Variants in UTRN observed in about 807,000 individuals in gnomAD.
UTRN encodes the protein utrophin.
UTRN carries 283 observed loss-of-function variants against 463.9 expected under a neutral mutation model. The ratio of observed to expected loss-of-function variants is 0.61; its 90% CI spans 0.55 to 0.67. The LOEUF (loss-of-function observed/expected upper bound fraction) is 0.67, where lower values mean the gene tolerates loss of function less well. UTRN is among the 30% of genes least tolerant of loss of function. The pLI is 0.00. For missense variants in UTRN, 3,922 were observed against 4,084.3 expected, an observed-to-expected ratio of 0.96 and a Z score of 1.08; for synonymous variants, 1,442 against 1,431.5, an observed-to-expected ratio of 1.01 and a Z score of -0.17.
At chr6:144,638,769 A>T (rs1777457610) in intron 51 of UTRN, among the ~76,000 whole-genome samples, 1 of 152,194 alleles carries the variant, frequency 6.6e-6, no homozygotes, top group African/African-American at 2.4e-5. Context: ...GTATGAGAGA[A>T]TGATATATAT....
At chr6:144,706,916 A>G (rs968853632) in intron 53 of UTRN, 2 of 152,220 alleles carry the variant, frequency 1.3e-5, no homozygotes, top group Non-Finnish European at 2.9e-5. Context: ...AAATTACAGC[A>G]TAAAGAGTAG....
chr6:144,301,063 G>T (rs1375987586), intron 2 of UTRN, among the ~76,000 whole-genome samples: 1 of 151,958 alleles, frequency 6.6e-6, no homozygotes, highest in Non-Finnish European at 1.5e-5. Flanking sequence ...CTTTTTCGGT[G>T]GGGGGCTCAT....
At chr6:144,640,215 G>A (rs1777632672) in intron 51 of UTRN, among the ~76,000 whole-genome samples, 1 of 152,208 alleles carries the variant, frequency 6.6e-6, no homozygotes, top group South Asian at 2.1e-4. Flanking sequence ...TTAATATCAA[G>A]AACAAATTGT....
At chr6:144,451,267 T>C (rs1156325773) in intron 17 of UTRN, 103 bp from the exon 18 acceptor site, 12 of 1,383,572 alleles carry the variant, frequency 8.7e-6, no homozygotes, top group South Asian at 8.6e-5. Context: ...GGGGGAGTGA[T>C]AAAAAGACAT....
intron 54 of UTRN, among the ~76,000 whole-genome samples, chr6:144,732,251 TATATATACACAC>T (rs1788694462): frequency 1.7e-5 from 2 of 116,122 alleles, no homozygotes; most frequent in African/African-American, 8.5e-5. Context: ...TATATATATA[TATATATACACAC>T]ATATATATAT....
intron 69 of UTRN, among the ~76,000 whole-genome samples, chr6:144,832,125 T>A (rs1780722786): frequency 6.6e-6 from 1 of 152,246 alleles, no homozygotes; most frequent in South Asian, 2.1e-4. Flanking sequence ...ACGATTGATG[T>A]TTAATGTCCC....
At chr6:144,472,793 G>T (rs1168521422) in intron 23 of UTRN, among the ~76,000 whole-genome samples, 6 of 147,838 alleles carry the variant, frequency 4.1e-5, no homozygotes, top group African/African-American at 1.5e-4. Context: ...TTTTGAGACA[G>T]AGTCTTGCTC....
chr6:144,686,405 G>T (rs937382921), intron 52 of UTRN, among the ~76,000 whole-genome samples: 2 of 152,052 alleles, frequency 1.3e-5, no homozygotes, highest in African/African-American at 4.8e-5. Flanking sequence ...AGTTCAGTGC[G>T]CTTGTTCTAG....
At position 144,499,379 on chromosome 6, in the gene UTRN, T is replaced by C. The variant is rs747026074; in HGVS notation, c.4716T>C (p.Thr1572=). ...AAACTGAATTGGTACAGAAGTCCAC[T>C]TCAGAAGGTCTGCTTGGTGACTTGG... ...ATETELVQKS[T]SEGLLGDLDT... The change falls in exon 34 of 75, where the codon ACT becomes ACC. Residue 1572 remains threonine (T), a synonymous_variant. Transcript: ENST00000367545. 3 of 1,612,300 alleles carry C rather than the reference T, an allele frequency of 1.9e-6. No homozygotes were observed. The highest frequency in any genetic ancestry group is 1.1e-5 in the South Asian group (1 of 90,794).
chr6:144,690,742 A>G (rs1398517914), intron 52 of UTRN, among the ~76,000 whole-genome samples: 7 of 151,914 alleles, frequency 4.6e-5, no homozygotes, highest in Admixed American at 2.0e-4. Context: ...TCTACTCCCC[A>G]TTGCTCACTA....
chr6:144,518,032 A>G (rs1408608290), intron 39 of UTRN, among the ~76,000 whole-genome samples: 4 of 152,234 alleles, frequency 2.6e-5, no homozygotes, highest in Non-Finnish European at 4.4e-5. Flanking sequence ...GACTGCTTGA[A>G]GCAACATACA....
At chr6:144,614,043 C>T (rs923342319) in intron 51 of UTRN, among the ~76,000 whole-genome samples, 6 of 152,128 alleles carry the variant, frequency 3.9e-5, no homozygotes, top group African/African-American at 1.4e-4. Context: ...TGAGTCAGAG[C>T]CTTTTTTTTC....
At chr6:144,301,992 C>T (rs1805314646) in intron 2 of UTRN, among the ~76,000 whole-genome samples, 1 of 152,098 alleles carries the variant, frequency 6.6e-6, no homozygotes, top group Admixed American at 6.6e-5. Flanking sequence ...TCTCCTTCTC[C>T]CTGCGTCCCC....
chr6:144,552,677 C>G (rs1165466215), intron 48 of UTRN, among the ~76,000 whole-genome samples: 1 of 152,104 alleles, frequency 6.6e-6, no homozygotes, highest in African/African-American at 2.4e-5. Context: ...ATGAAAAACC[C>G]TTCCCAGGGG....
chr6:144,343,006 T>G (rs1777266404), intron 2 of UTRN, among the ~76,000 whole-genome samples: 1 of 151,558 alleles, frequency 6.6e-6, no homozygotes, highest in Non-Finnish European at 1.5e-5. Context: ...TTTGCCAGAG[T>G]CATACAGCTA....
At chr6:144,537,452 T>C (rs1797639083) in intron 43 of UTRN, 130 bp from the exon 44 acceptor site, 5 of 521,318 alleles carry the variant, frequency 9.6e-6, no homozygotes, top group Non-Finnish European at 1.4e-5. Context: ...ACTTAAAATA[T>C]ATATTAAAAT....
intron 51 of UTRN, among the ~76,000 whole-genome samples, chr6:144,629,221 C>G (rs1045441537): frequency 6.6e-6 from 1 of 151,634 alleles, no homozygotes; most frequent in African/African-American, 2.4e-5. Context: ...TCAGAAGGTG[C>G]TACATAGTTT....
chr6:144,299,634 G>A (rs375712140), intron 2 of UTRN, among the ~76,000 whole-genome samples: 2 of 152,030 alleles, frequency 1.3e-5, no homozygotes, highest in African/African-American at 4.8e-5. Flanking sequence ...GTGTGTTCAA[G>A]GTCTTCTTGC....
intron 58 of UTRN, among the ~76,000 whole-genome samples, chr6:144,761,558 A>T (rs1792684513): frequency 1.3e-5 from 2 of 152,098 alleles, no homozygotes; most frequent in South Asian, 2.1e-4. Flanking sequence ...AGGTGGGAGG[A>T]TCACTTGAGC....
Sources: gnomAD v4.1 joint callset for allele counts (sites outside exome capture counted in the v4.1 genomes callset) on GRCh38, gnomAD v4.1.1 for gene constraint, MANE v1.5 for transcripts, NCBI Gene and HGNC (gene_info 2026-07-23, HGNC 2026-07-21) for gene names.